KAZN: variants seen among roughly 807,000 people sequenced by gnomAD.
KAZN encodes kazrin.
In KAZN, 40 loss-of-function variants were observed where a neutral mutation model predicts 87.4. The ratio of observed to expected loss-of-function variants is 0.46; its 90% CI spans 0.36 to 0.60. The LOEUF is 0.60. KAZN is among the 20% of genes least tolerant of loss of function. KAZN has a pLI of 0.00. For synonymous variants in KAZN, 466 were observed against 458.3 expected (o/e 1.02, Z -0.22); for missense variants, 898 against 1,073.9 (o/e 0.84, Z 2.29).
intron 2 of KAZN, among the ~76,000 whole-genome samples, chr1:14,961,199 C>T (rs549412126): frequency 1.3e-5 from 2 of 152,348 alleles, no homozygotes; most frequent in South Asian, 2.1e-4. Flanking sequence ...TTACCCAGCA[C>T]CCTTGGGGTC....
intron 2 of KAZN, among the ~76,000 whole-genome samples, chr1:15,019,440 G>A (rs1177700166): frequency 6.6e-6 from 1 of 152,194 alleles, no homozygotes. Context: ...CCAGGCTGGA[G>A]TGCAGTGGTG....
intron 1 of KAZN, among the ~76,000 whole-genome samples, chr1:14,941,453 C>T (rs539239261): frequency 2.7e-4 from 41 of 151,628 alleles, no homozygotes; most frequent in African/African-American, 3.9e-4. Flanking sequence ...CATTAACTGC[C>T]GACCATTGGA....
At chr1:14,067,075 C>A (rs1372399023) in intron 1 of KAZN, among the ~76,000 whole-genome samples, 1 of 152,088 alleles carries the variant, frequency 6.6e-6, no homozygotes. Context: ...CTCTGTATCA[C>A]AAATCCCTAT....
At chr1:14,835,883 C>G (rs560576456) in intron 1 of KAZN, among the ~76,000 whole-genome samples, 4 of 147,552 alleles carry the variant, frequency 2.7e-5, no homozygotes, top group African/African-American at 9.9e-5. Context: ...CAATGTGTAA[C>G]ACTCCAATTT....
At chr1:15,090,502 C>G (rs1557790938) in intron 8 of KAZN, among the ~76,000 whole-genome samples, 2 of 152,234 alleles carry the variant, frequency 1.3e-5, no homozygotes, top group Non-Finnish European at 2.9e-5. Flanking sequence ...GCACTGGCTG[C>G]CGGCCTGCAC....
At chr1:14,589,204 T>C (rs1011143930) in intron 2 of KAZN, among the ~76,000 whole-genome samples, 1 of 151,974 alleles carries the variant, frequency 6.6e-6, no homozygotes, top group Admixed American at 6.5e-5. Flanking sequence ...AAAAGCAAAA[T>C]AGCTGATACT....
chr1:14,951,947 C>A (rs937017328), intron 1 of KAZN, among the ~76,000 whole-genome samples: 2 of 152,146 alleles, frequency 1.3e-5, no homozygotes, highest in Non-Finnish European at 2.9e-5. Context: ...TGCTGCTGGA[C>A]CAGTGCATGG....
chr1:14,714,450 C>T (rs1308925840), intron 1 of KAZN, among the ~76,000 whole-genome samples: 1 of 152,134 alleles, frequency 6.6e-6, no homozygotes, highest in Non-Finnish European at 1.5e-5. Context: ...TGCATGGCCT[C>T]CTGGTCTACC....
chr1:14,267,458 C>G (rs183263398), intron 2 of KAZN, among the ~76,000 whole-genome samples: 1 of 151,826 alleles, frequency 6.6e-6, no homozygotes, highest in East Asian at 1.9e-4. Context: ...CCTCATGCAG[C>G]CCATGGGCCA....
chr1:14,368,492 C>T (rs766616734), intron 2 of KAZN, among the ~76,000 whole-genome samples: 23 of 152,224 alleles, frequency 1.5e-4, no homozygotes, highest in Admixed American at 3.9e-4. Context: ...GCCAACCGTA[C>T]AATCAGCTTT....
intron 1 of KAZN, among the ~76,000 whole-genome samples, chr1:14,780,159 T>C (rs1384440973): frequency 2.6e-5 from 4 of 152,364 alleles, no homozygotes; most frequent in African/African-American, 9.6e-5. Flanking sequence ...GTTTCTTCTT[T>C]AGGGCTTTTG....
At chr1:14,950,575 A>C (rs1662358082) in intron 1 of KAZN, among the ~76,000 whole-genome samples, 1 of 152,180 alleles carries the variant, frequency 6.6e-6, no homozygotes, top group South Asian at 2.1e-4. Context: ...CTCCACAGGC[A>C]AATCATTAAG....
At chr1:14,352,662 GA>G (rs969048100) in intron 2 of KAZN, among the ~76,000 whole-genome samples, 4 of 151,942 alleles carry the variant, frequency 2.6e-5, no homozygotes, top group Non-Finnish European at 5.9e-5. Flanking sequence ...TCACGTGAGA[GA>G]AAAAAAGGCA....
rs539608585 is a variant in KAZN at position 14,832,557 on chromosome 1, A to G, written c.227-128127A>G. ...TTCCCTGGGCCACACTGGAAGAAGAATTGTCTTGGGCCACACATAAGATAC... is the reference window on the plus strand; with the variant it reads ...TTCCCTGGGCCACACTGGAAGAAGAGTTGTCTTGGGCCACACATAAGATAC... On this transcript the variant is annotated intron_variant, in intron 1 of 14. Coordinates refer to ENST00000376030, the MANE Select transcript of KAZN (RefSeq NM_201628.3). Among the ~76,000 whole-genome samples, 12 of 152,296 alleles carry G rather than the reference A, an allele frequency of 7.9e-5. No individual in the cohort carries two copies. In the East Asian group the frequency reaches 2.1e-3, roughly 27 times the overall value.
chr1:14,526,610 T>A (rs936909698), intron 2 of KAZN, among the ~76,000 whole-genome samples: 9 of 152,218 alleles, frequency 5.9e-5, no homozygotes, highest in African/African-American at 1.7e-4. Context: ...TTGTTCCTCC[T>A]TCATTCTTAT....
intron 1 of KAZN, among the ~76,000 whole-genome samples, chr1:14,854,854 G>C (rs535712514): frequency 6.6e-6 from 1 of 152,134 alleles, no homozygotes; most frequent in African/African-American, 2.4e-5. Flanking sequence ...GTGTGAGGCC[G>C]AATTCAGGAT....
Position 14,428,667 on chromosome 1 carries a change from T to C in KAZN, c.250-170316T>C, listed in dbSNP as rs1037230483. Among the ~76,000 whole-genome samples the C allele has an allele frequency of 2.0e-5, 3 of 152,282 alleles. No homozygotes were observed. In the East Asian group the frequency reaches 5.8e-4, roughly 29 times the overall value. On this transcript the variant is annotated intron_variant, in intron 2 of 16. Coordinates refer to the KAZN transcript ENST00000636203. ...GGAAGCCTCAGGAAATTTACAATCA[T>C]GGTGGAAGGCACCTCTTCACAGAGC...
At chr1:14,403,004 TC>T (rs1224715833) in intron 2 of KAZN, among the ~76,000 whole-genome samples, 1 of 152,158 alleles carries the variant, frequency 6.6e-6, no homozygotes, top group East Asian at 1.9e-4. Flanking sequence ...TTTTTGTATT[TC>T]TAGTAGAGAC....
At chr1:14,541,592 C>T (rs965312612) in intron 2 of KAZN, among the ~76,000 whole-genome samples, 47 of 152,120 alleles carry the variant, frequency 3.1e-4, no homozygotes, top group Non-Finnish European at 4.4e-5. Flanking sequence ...ACTGGCCAAG[C>T]GTTAGGAGAA....
Sources: allele counts gnomAD v4.1 joint callset (sites outside exome capture counted in the v4.1 genomes callset), GRCh38; gene constraint gnomAD v4.1.1; transcripts MANE v1.5; gene names NCBI Gene and HGNC (gene_info 2026-07-23, HGNC 2026-07-21).